TRMT1: variants seen among roughly 807,000 people sequenced by gnomAD.
TRMT1 encodes the protein tRNA methyltransferase 1, also known as tRNA (guanine(26)-N(2))-dimethyltransferase.
TRMT1 carries 63 observed loss-of-function variants against 75.4 expected under a neutral mutation model. The ratio of observed to expected loss-of-function variants is 0.84; its 90% CI spans 0.68 to 1.03. The LOEUF is 1.03. TRMT1 is among the 50% of genes least tolerant of loss of function. The pLI is 0.00. For missense variants in TRMT1, 870 were observed against 905.3 expected, an observed-to-expected ratio of 0.96 and a Z score of 0.50; for synonymous variants, 382 against 358.1, an observed-to-expected ratio of 1.07 and a Z score of -0.75.
Position 13,115,643 on chromosome 19 carries a change from C to A in TRMT1, c.436G>T (p.Val146Leu). 2.5e-6 allele frequency: 4 copies of A among 1,613,996 alleles called. No individual in the cohort carries two copies. The highest frequency in any genetic ancestry group is 3.4e-6 in the Non-Finnish European group (4 of 1,180,016). The change falls in exon 4 of 17, where the codon GTG (valine) becomes TTG (leucine). Residue 146 changes from valine (V) to leucine (L), a missense_variant. Val to Leu is a conservative substitution (Grantham distance 32). Transcript: ENST00000357720. ...ASGDQPRTAA[V>L]GEICEEGLHV... The stretch of plus-strand genomic sequence containing the variant: ...GGCCCCACCTCACAGATCTCCCCCA[C>A]GGCCGCTGTGCGAGGTTGGTCTCCT...
rs765328885 is a variant in TRMT1 at position 13,110,186 on chromosome 19, C to T, written c.991G>A (p.Gly331Ser). 1.2e-5 allele frequency: 20 copies of T among 1,612,238 alleles called. No individual in the cohort carries two copies. Among genetic ancestry groups the T allele is most frequent in the Admixed American group, 6.7e-5 (4 of 60,000 alleles). ...GCTGAGGCCTTGACCTTGGCCTGGC[C>T]GGTGAAGACACGGACAAAAACACGC... ...YVRVFVRVFT[G>S]QAKVKASASK... Residue 331 changes from glycine (G) to serine (S), a missense_variant, in exon 8 of 17, where the codon GGC becomes AGC. Transcript: ENST00000357720.
Position 13,109,664 on chromosome 19 carries a change from T to G in TRMT1, c.1197A>C (p.Ala399=). 1 of 1,614,016 alleles carries G rather than the reference T, an allele frequency of 6.2e-7. No homozygotes were observed. The highest frequency in any genetic ancestry group is 8.5e-7 in the Non-Finnish European group (1 of 1,180,016). Residue 399 remains alanine (A), a synonymous_variant, in exon 11 of 17, where the codon GCA becomes GCC. Coordinates refer to ENST00000357720, the MANE Select transcript of TRMT1 (RefSeq NM_001136035.4). ...QRHQLGGPMW[A]EPIHDLDFVG... is the part of the protein sequence containing the mutation. Reference sequence around the variant, plus strand: ...CAAAATCCAGGTCATGGATGGGCTCTGCCCACATGGGGCCACCAAGCTGGG... The same window carrying G: ...CAAAATCCAGGTCATGGATGGGCTCGGCCCACATGGGGCCACCAAGCTGGG...
At chr19:13,112,240 A>T (rs1341937312) in intron 7 of TRMT1, among the ~76,000 whole-genome samples, 1 of 147,734 alleles carries the variant, frequency 6.8e-6, no homozygotes, top group Admixed American at 6.7e-5. Flanking sequence ...CCACCTGCCT[A>T]GGCCTCCCAA....
At position 13,107,830 on chromosome 19, in the gene TRMT1, A is replaced by G. The variant is rs2018949486; in HGVS notation, c.1427T>C (p.Val476Ala). ...GTTCTTACAGGCGTGGGAGAGTGAGACCCGGAAGTCAGCGTGGAGGAGGGC... is the reference window on the plus strand; with the variant it reads ...GTTCTTACAGGCGTGGGAGAGTGAGGCCCGGAAGTCAGCGTGGAGGAGGGC... Reference protein sequence around the residue: ...RSALLHADFRVSLSHACKNAV... With the variant: ...RSALLHADFRASLSHACKNAV... Residue 476 changes from valine (V) to alanine (A), a missense_variant, in exon 13 of 17, where the codon GTC (valine) becomes GCC (alanine). Val to Ala is a moderately conservative substitution (Grantham distance 64). Transcript: ENST00000357720. 1 of 1,551,724 alleles carries G rather than the reference A, an allele frequency of 6.4e-7. No homozygotes were observed. The highest frequency in any genetic ancestry group is 8.7e-7 in the Non-Finnish European group (1 of 1,147,014).
Position 13,115,610 on chromosome 19 carries a change from T to C in TRMT1, c.453+16A>G. On this transcript the variant is annotated intron_variant, in intron 4 of 16. Coordinates refer to ENST00000357720, the MANE Select transcript of TRMT1 (RefSeq NM_001136035.4). Reference sequence around the variant, plus strand: ...GCTAAATTCCAGGGCTGCCAGCTCCTATGCTCAGGCCCCACCTCACAGATC... The same window carrying C: ...GCTAAATTCCAGGGCTGCCAGCTCCCATGCTCAGGCCCCACCTCACAGATC... 1 of 1,613,508 alleles carries C rather than the reference T, an allele frequency of 6.2e-7. No homozygotes were observed. The highest frequency in any genetic ancestry group is 8.5e-7 in the Non-Finnish European group (1 of 1,179,800).
At chr19:13,114,384 TAGCC>T (rs1327919552) in intron 5 of TRMT1, among the ~76,000 whole-genome samples, 5 of 151,860 alleles carry the variant, frequency 3.3e-5, no homozygotes, top group Admixed American at 6.6e-5. Flanking sequence ...TAGCCTGGCA[TAGCC>T]AGGTGCAGTG....
At position 13,110,274 on chromosome 19, in the gene TRMT1, G is replaced by T; in HGVS notation, c.903C>A (p.Leu301=). 1 of 1,606,874 alleles carries T rather than the reference G, an allele frequency of 6.2e-7. No individual in the cohort carries two copies. The highest frequency in any genetic ancestry group is 1.1e-5 in the South Asian group (1 of 90,844). ...ALRIVLHSLD[L]RANCYQRFVV... is the part of the protein sequence containing the mutation. ...CGAAGCGCTGGTAGCAGTTGGCGCG[G>T]AGGTCCAGGCTGTGCAGGACGATTC... Residue 301 remains leucine, a synonymous_variant, in exon 8 of 17, where the codon CTC becomes CTA. Transcript: ENST00000357720.
intron 12 of TRMT1, 139 bp from the exon 13 acceptor site, chr19:13,107,998 T>C (rs1205753328): frequency 1.1e-5 from 7 of 618,286 alleles, no homozygotes; most frequent in Non-Finnish European, 1.9e-5. Context: ...TTTTTTTTTT[T>C]TTTTTTTTTT....
chr19:13,105,667 C>G (rs1599921545), intron 14 of TRMT1, 61 bp from the exon 15 acceptor site: 1 of 1,523,872 alleles, frequency 6.6e-7, no homozygotes, highest in African/African-American at 1.4e-5. Context: ...TGTGTCCCCA[C>G]TCCCCACAGG....
intron 5 of TRMT1, among the ~76,000 whole-genome samples, chr19:13,113,232 C>T (rs1019586123): frequency 6.6e-6 from 1 of 152,014 alleles, no homozygotes; most frequent in Non-Finnish European, 1.5e-5. Context: ...GATCTCGGCT[C>T]CCTGCAACCT....
intron 12 of TRMT1, among the ~76,000 whole-genome samples, chr19:13,109,005 C>G (rs2019008842): frequency 1.4e-5 from 2 of 147,716 alleles, no homozygotes; most frequent in South Asian, 4.4e-4. Flanking sequence ...TAGCATCAAA[C>G]TCCTGGCCCA....
At chr19:13,107,688 C>T in intron 13 of TRMT1, 38 bp from the exon 14 acceptor site, 5 of 1,579,496 alleles carry the variant, frequency 3.2e-6, no homozygotes, top group Non-Finnish European at 3.4e-6. Context: ...ATACTAGGCC[C>T]AAGGGACCTC....
At chr19:13,111,931 C>T (rs1181644491) in intron 7 of TRMT1, among the ~76,000 whole-genome samples, 1 of 147,188 alleles carries the variant, frequency 6.8e-6, no homozygotes, top group Admixed American at 6.9e-5. Flanking sequence ...AATCTCCTGA[C>T]CTCATGATCC....
In TRMT1 at chr19:13,109,931, C is replaced by A; in HGVS notation, c.1090G>T (p.Gly364Ter). Reference sequence around the variant, plus strand: ...CCTGCTCACCGGCCGCTGGGGACTCCTGACGCTTTGCCGAGACGCTGAAGG... The same window carrying A: ...CCTGCTCACCGGCCGCTGGGGACTCATGACGCTTTGCCGAGACGCTGAAGG... Reference protein sequence around the residue: ...FHLQRLGKASGVPSGRAKFSA... With the variant: ...FHLQRLGKAS The change falls in exon 9 of 17, where the codon GGA becomes TGA. Residue 364 changes from glycine (G) to a stop codon, truncating the protein, a stop_gained. Transcript: ENST00000357720. LOFTEE classifies it high-confidence loss of function. 1 of 1,614,068 alleles carries A rather than the reference C, an allele frequency of 6.2e-7. No homozygotes were observed. The highest frequency in any genetic ancestry group is 8.5e-7 in the Non-Finnish European group (1 of 1,180,002).
chr19:13,115,650 T>C lies in TRMT1; in HGVS notation c.429A>G (p.Thr143=), dbSNP rs1214057012. 1 of 1,613,712 alleles carries C rather than the reference T, an allele frequency of 6.2e-7. No homozygotes were observed. The highest frequency in any genetic ancestry group is 2.2e-5 in the East Asian group (1 of 44,860). ...CCTCACAGATCTCCCCCACGGCCGC[T>C]GTGCGAGGTTGGTCTCCTGAGGCCA... ...ENLASGDQPR[T]AAVGEICEEG... is the part of the protein sequence containing the mutation. The change falls in exon 4 of 17, where the codon ACA becomes ACG. Residue 143 remains threonine, a synonymous_variant. Coordinates refer to ENST00000357720, the MANE Select transcript of TRMT1 (RefSeq NM_001136035.4).
chr19:13,110,780 C>T (rs1047693410), intron 7 of TRMT1, among the ~76,000 whole-genome samples: 1 of 152,096 alleles, frequency 6.6e-6, no homozygotes, highest in Non-Finnish European at 1.5e-5. Context: ...AAATCCCCGT[C>T]TCTACTAAAA....
chr19:13,115,435 G>A lies in TRMT1; in HGVS notation c.485C>T (p.Ala162Val). 6.2e-7 allele frequency: 1 copy of A among 1,613,810 alleles called. No homozygotes were observed. Residue 162 changes from alanine to valine, a missense_variant, in exon 5 of 17, where the codon GCT (alanine) becomes GTT (valine). Coordinates refer to ENST00000357720, the MANE Select transcript of TRMT1 (RefSeq NM_001136035.4). ...AAATCGAATGGAACGTAGGCCTGAA[G>A]CTGCCAGGCCTTCCAGCACATGCAG... ...EGLHVLEGLA[A>V]SGLRSIRFAL...
intron 12 of TRMT1, among the ~76,000 whole-genome samples, chr19:13,108,960 C>T (rs1426001593): frequency 7.4e-6 from 1 of 135,244 alleles, no homozygotes; most frequent in Non-Finnish European, 1.5e-5. Flanking sequence ...CTCATTTTGT[C>T]ACCCAGGCTG....
Position 13,115,561 on chromosome 19 carries a change from C to T in TRMT1, c.453+65G>A. 1.9e-6 allele frequency: 3 copies of T among 1,607,868 alleles called. No homozygotes were observed. In the Admixed American group the frequency reaches 5.0e-5, roughly 27 times the overall value. On this transcript the variant is annotated intron_variant, in intron 4 of 16. Transcript: ENST00000357720. ...CACCACCCACCTCCTATAGCTCTCC[C>T]CCTCCAGGAGCCCTCTGTCTCCCGC... is the stretch of plus-strand genomic sequence containing the variant.
Sources: gnomAD v4.1 joint callset for allele counts (sites outside exome capture counted in the v4.1 genomes callset) on GRCh38, gnomAD v4.1.1 for gene constraint, MANE v1.5 for transcripts, NCBI Gene and HGNC (gene_info 2026-07-23, HGNC 2026-07-21) for gene names.